The following LDB2 variants were observed in gnomAD, a reference collection of about 807,000 sequenced individuals.
LDB2 encodes LIM domain-binding protein 2.
A neutral mutation model predicts 44.3 loss-of-function variants in LDB2; 12 were observed. That is an observed-to-expected ratio of 0.27 (90% CI 0.17 to 0.44). LDB2 has a LOEUF of 0.44. Among genes scored for constraint, LDB2 ranks in the 20% least tolerant of loss-of-function variants. The probability of loss-of-function intolerance (pLI) is 1.00; values close to 1 mark genes in which losing one functional copy is unlikely to be tolerated. For missense variants in LDB2, 344 were observed against 473.5 expected (o/e 0.73, Z 2.54); for synonymous variants, 164 against 174.8 (o/e 0.94, Z 0.49).
At chr4:16,686,560 C>T (rs1301550996) in intron 2 of LDB2, among the ~76,000 whole-genome samples, 1 of 152,218 alleles carries the variant, frequency 6.6e-6, no homozygotes, top group Admixed American at 6.5e-5. Flanking sequence ...AATCTGAAAA[C>T]AACCTTCCCT....
At chr4:16,563,285 C>T (rs903496774) in intron 5 of LDB2, among the ~76,000 whole-genome samples, 5 of 151,540 alleles carry the variant, frequency 3.3e-5, no homozygotes, top group East Asian at 1.9e-4. Flanking sequence ...TCCAGGATCT[C>T]GTTTCTATCT....
At chr4:16,800,207 T>C (rs1226535700) in intron 1 of LDB2, among the ~76,000 whole-genome samples, 1 of 152,196 alleles carries the variant, frequency 6.6e-6, no homozygotes, top group African/African-American at 2.4e-5. Context: ...GGGTGTCCTG[T>C]CCATCTGGGT....
At chr4:16,778,695 T>G (rs1772504540) in intron 1 of LDB2, among the ~76,000 whole-genome samples, 4 of 152,232 alleles carry the variant, frequency 2.6e-5, no homozygotes, top group Admixed American at 2.6e-4. Flanking sequence ...TTTCTCTCTC[T>G]CAGGCACATG....
intron 5 of LDB2, among the ~76,000 whole-genome samples, chr4:16,547,954 TG>T (rs145467477): frequency 0.029 from 4,458 of 151,494 alleles, 219 homozygotes; most frequent in East Asian, 0.24. Context: ...TCTTTTTTTT[TG>T]TTTGTTTTTT....
intron 5 of LDB2, among the ~76,000 whole-genome samples, chr4:16,563,183 T>A (rs1174932540): frequency 6.6e-6 from 1 of 151,594 alleles, no homozygotes; most frequent in Non-Finnish European, 1.5e-5. Context: ...AACCTGCACA[T>A]TGTGCACATG....
chr4:16,631,444 G>A (rs879289145), intron 2 of LDB2, among the ~76,000 whole-genome samples: 15 of 152,118 alleles, frequency 9.9e-5, no homozygotes, highest in Non-Finnish European at 2.1e-4. Context: ...AGTGTGTAGA[G>A]GGAAATTTAT....
intron 1 of LDB2, among the ~76,000 whole-genome samples, chr4:16,879,583 A>G (rs1719453332): frequency 6.6e-6 from 1 of 152,178 alleles, no homozygotes; most frequent in African/African-American, 2.4e-5. Flanking sequence ...CAGTGCTTCT[A>G]GTTTCAGAGC....
intron 1 of LDB2, among the ~76,000 whole-genome samples, chr4:16,800,206 G>A (rs1777537525): frequency 1.3e-5 from 2 of 152,096 alleles, no homozygotes; most frequent in Non-Finnish European, 2.9e-5. Context: ...AGGGTGTCCT[G>A]TCCATCTGGG....
At chr4:16,630,799 T>A (rs1325459682) in intron 2 of LDB2, among the ~76,000 whole-genome samples, 1 of 152,080 alleles carries the variant, frequency 6.6e-6, no homozygotes, top group Non-Finnish European at 1.5e-5. Flanking sequence ...TGGTCTCTGA[T>A]AAAACAGACT....
At chr4:16,554,336 C>T (rs762635685) in intron 5 of LDB2, among the ~76,000 whole-genome samples, 2 of 152,142 alleles carry the variant, frequency 1.3e-5, no homozygotes, top group Non-Finnish European at 2.9e-5. Context: ...AGGTGTGAGC[C>T]ACTGCGCCCG....
intron 2 of LDB2, among the ~76,000 whole-genome samples, chr4:16,654,806 T>C (rs1028917464): frequency 6.6e-6 from 1 of 152,160 alleles, no homozygotes; most frequent in Non-Finnish European, 1.5e-5. Context: ...TTAATAACAA[T>C]ACGTTTTTAA....
intron 1 of LDB2, among the ~76,000 whole-genome samples, chr4:16,831,853 G>C (rs1307926701): frequency 6.6e-6 from 1 of 152,176 alleles, no homozygotes; most frequent in African/African-American, 2.4e-5. Context: ...TATGATTAAA[G>C]TGAAGAGGCA....
At chr4:16,652,172 C>T (rs895045946) in intron 2 of LDB2, among the ~76,000 whole-genome samples, 5 of 152,088 alleles carry the variant, frequency 3.3e-5, no homozygotes, top group Non-Finnish European at 5.9e-5. Context: ...GTCTTGAAAT[C>T]CTGGCCTCAA....
chr4:16,535,359 C>A (rs1357002524), intron 5 of LDB2, among the ~76,000 whole-genome samples: 1 of 152,164 alleles, frequency 6.6e-6, no homozygotes, highest in African/African-American at 2.4e-5. Flanking sequence ...GCCTTTGGTG[C>A]CTGATTGTTT....
chr4:16,691,836 A>G (rs1220071329), intron 2 of LDB2, among the ~76,000 whole-genome samples: 2 of 152,172 alleles, frequency 1.3e-5, no homozygotes, highest in African/African-American at 4.8e-5. Context: ...TGACACATAC[A>G]GGTTTTCATT....
intron 5 of LDB2, among the ~76,000 whole-genome samples, chr4:16,529,341 G>T (rs1392700337): frequency 6.6e-6 from 1 of 152,122 alleles, no homozygotes; most frequent in Non-Finnish European, 1.5e-5. Context: ...ATGAGCCTGG[G>T]ATCCTAGTAG....
At chr4:16,803,598 C>G (rs954757165) in intron 1 of LDB2, among the ~76,000 whole-genome samples, 1 of 152,134 alleles carries the variant, frequency 6.6e-6, no homozygotes, top group Non-Finnish European at 1.5e-5. Flanking sequence ...TTTATTACAG[C>G]TTCACATATG....
intron 5 of LDB2, among the ~76,000 whole-genome samples, chr4:16,527,083 C>T (rs917199763): frequency 4.6e-5 from 7 of 152,140 alleles, no homozygotes; most frequent in African/African-American, 7.2e-5. Flanking sequence ...TATCTGTTCT[C>T]GAATGTAACT....
At chr4:16,548,533 G>A (rs563031740) in intron 5 of LDB2, among the ~76,000 whole-genome samples, 5 of 152,294 alleles carry the variant, frequency 3.3e-5, no homozygotes, top group African/African-American at 9.6e-5. Flanking sequence ...CTCTTCCAAA[G>A]CAGAAATTAT....
Sources: allele counts gnomAD v4.1 joint callset (sites outside exome capture counted in the v4.1 genomes callset), GRCh38; gene constraint gnomAD v4.1.1; transcripts MANE v1.5; gene names NCBI Gene and HGNC (gene_info 2026-07-23, HGNC 2026-07-21).